ASTN2: variants seen among roughly 807,000 people sequenced by gnomAD.
The protein encoded by ASTN2 is astrotactin-2.
In ASTN2, 54 loss-of-function variants were observed where a neutral mutation model predicts 139.8. The ratio of observed to expected loss-of-function variants is 0.39; its 90% CI spans 0.31 to 0.48. The LOEUF (loss-of-function observed/expected upper bound fraction) is 0.48, where lower values mean the gene tolerates loss of function less well. ASTN2 is among the 20% of genes least tolerant of loss of function. The pLI, the probability that ASTN2 is intolerant of heterozygous loss-of-function variation, is 0.95. For missense variants in ASTN2, 1,565 were observed against 1,725.1 expected (o/e 0.91, Z 1.64); for synonymous variants, 756 against 719.5 (o/e 1.05, Z -0.81).
chr9:116,632,924 C>T (rs1856879613), intron 17 of ASTN2, among the ~76,000 whole-genome samples: 1 of 152,214 alleles, frequency 6.6e-6, no homozygotes. Flanking sequence ...TTGCACAAGG[C>T]ATGACCCAAA....
intron 1 of ASTN2, among the ~76,000 whole-genome samples, chr9:117,317,473 A>G (rs548546343): frequency 2.6e-5 from 4 of 152,192 alleles, no homozygotes; most frequent in African/African-American, 9.7e-5. Context: ...GAATGAATAC[A>G]CTAATGAATG....
chr9:117,195,056 GAACA>G (rs1459965392), intron 3 of ASTN2, among the ~76,000 whole-genome samples: 2 of 152,132 alleles, frequency 1.3e-5, no homozygotes, highest in Non-Finnish European at 2.9e-5. Flanking sequence ...TTTAAGCACA[GAACA>G]AACTTGGTAC....
In ASTN2 at chr9:116,453,808, T is replaced by A. The variant is rs142203870; in HGVS notation, c.3498-11255A>T. 4.8e-3 allele frequency among the ~76,000 whole-genome samples: 727 copies of A among 152,272 alleles called. 2 individuals are homozygous for A. The highest frequency in any genetic ancestry group is 0.015 in the African/African-American group (620 of 41,550). On this transcript the variant is annotated intron_variant, in intron 20 of 22. Transcript: ENST00000313400. ...CATAAGGTTTCATTAGAGCTCCAGTTCAGCCACAGCATGTATAAGCAAATC... is the reference window on the plus strand; with the variant it reads ...CATAAGGTTTCATTAGAGCTCCAGTACAGCCACAGCATGTATAAGCAAATC...
At chr9:116,798,777 G>A (rs1830765362) in intron 13 of ASTN2, among the ~76,000 whole-genome samples, 1 of 152,198 alleles carries the variant, frequency 6.6e-6, no homozygotes, top group South Asian at 2.1e-4. Flanking sequence ...AGCACAGAAA[G>A]GTGATTCTTC....
chr9:117,200,255 C>T (rs552405160), intron 3 of ASTN2, among the ~76,000 whole-genome samples: 36 of 148,100 alleles, frequency 2.4e-4, no homozygotes, highest in African/African-American at 6.5e-4. Context: ...CAACAGTCCC[C>T]GGTGTGTGAT....
At chr9:116,995,165 CAT>C (rs1241665978) in intron 7 of ASTN2, among the ~76,000 whole-genome samples, 1 of 152,192 alleles carries the variant, frequency 6.6e-6, no homozygotes, top group Non-Finnish European at 1.5e-5. Context: ...CATGTGTTCA[CAT>C]GTTATCTATC....
intron 20 of ASTN2, among the ~76,000 whole-genome samples, chr9:116,458,745 T>C (rs1848403499): frequency 6.6e-6 from 1 of 151,930 alleles, no homozygotes; most frequent in South Asian, 2.1e-4. Context: ...AGAATATCAT[T>C]CAAAGAAATT....
At chr9:116,500,009 T>C (rs942178035) in intron 19 of ASTN2, among the ~76,000 whole-genome samples, 1 of 152,118 alleles carries the variant, frequency 6.6e-6, no homozygotes, top group Non-Finnish European at 1.5e-5. Context: ...TATTTCTCTA[T>C]CACTTTATCT....
At chr9:117,112,043 T>C (rs1829263396) in intron 4 of ASTN2, among the ~76,000 whole-genome samples, 1 of 151,908 alleles carries the variant, frequency 6.6e-6, no homozygotes, top group African/African-American at 2.4e-5. Flanking sequence ...TTTACAATAG[T>C]GTAGAAAAAA....
chr9:116,899,946 G>A (rs145835713), intron 10 of ASTN2, among the ~76,000 whole-genome samples: 1 of 152,106 alleles, frequency 6.6e-6, no homozygotes, highest in African/African-American at 2.4e-5. Flanking sequence ...CCTAGGAACT[G>A]ACTCAGCACA....
chr9:116,780,434 C>T (rs1018590408), intron 13 of ASTN2, among the ~76,000 whole-genome samples: 10 of 152,234 alleles, frequency 6.6e-5, no homozygotes, highest in Admixed American at 5.2e-4. Flanking sequence ...CTGTATTCAC[C>T]GTAATATAAT....
chr9:116,717,681 G>C (rs1828351453), intron 16 of ASTN2, among the ~76,000 whole-genome samples: 1 of 152,156 alleles, frequency 6.6e-6, no homozygotes, highest in Non-Finnish European at 1.5e-5. Flanking sequence ...TGACTGCCCT[G>C]GGGTCAAGCA....
chr9:117,151,938 C>G (rs956814624), intron 3 of ASTN2, among the ~76,000 whole-genome samples: 1 of 152,122 alleles, frequency 6.6e-6, no homozygotes, highest in African/African-American at 2.4e-5. Flanking sequence ...TACTGTTATC[C>G]CAGATACCCT....
At chr9:116,622,891 G>A (rs1856236241) in intron 17 of ASTN2, among the ~76,000 whole-genome samples, 1 of 152,230 alleles carries the variant, frequency 6.6e-6, no homozygotes, top group East Asian at 1.9e-4. Context: ...CCAGAAGGAG[G>A]CACTCTCATG....
intron 11 of ASTN2, among the ~76,000 whole-genome samples, chr9:116,853,304 A>C (rs1832659230): frequency 6.6e-6 from 1 of 152,192 alleles, no homozygotes; most frequent in Non-Finnish European, 1.5e-5. Flanking sequence ...AGGAAGATTG[A>C]TGATCAGATG....
intron 5 of ASTN2, among the ~76,000 whole-genome samples, chr9:117,091,593 C>T (rs534377886): frequency 1.6e-4 from 24 of 152,048 alleles, no homozygotes; most frequent in African/African-American, 5.1e-4. Context: ...GTGAATGAGT[C>T]AAACGGCAGG....
At position 116,736,869 on chromosome 9, in the gene ASTN2, C is replaced by T. The variant is rs547685535; in HGVS notation, c.2397-3346G>A. ...TATCCGCATGTCCCTCTCTTCCAAT[C>T]CTTCTGCCTTCTTATCAAGTCACTC... is the stretch of plus-strand genomic sequence containing the variant. On this transcript the variant is annotated intron_variant, in intron 13 of 22. Coordinates refer to ENST00000313400, the MANE Select transcript of ASTN2 (RefSeq NM_001365068.1). Among the ~76,000 whole-genome samples, 5 of 152,274 alleles carry T rather than the reference C, an allele frequency of 3.3e-5. No homozygotes were observed. In the South Asian group the frequency reaches 8.3e-4, roughly 25 times the overall value.
chr9:116,576,681 C>T (rs1460541301), intron 19 of ASTN2, among the ~76,000 whole-genome samples: 2 of 151,868 alleles, frequency 1.3e-5, no homozygotes, highest in Non-Finnish European at 2.9e-5. Flanking sequence ...CCTGTGCCTG[C>T]CCCACAATGA....
chr9:116,487,279 C>T, intron 20 of ASTN2, 80 bp downstream of exon 20: 1 of 1,549,958 alleles, frequency 6.5e-7, no homozygotes, highest in African/African-American at 1.4e-5. Flanking sequence ...CTGGCCTGCA[C>T]AGAATAACTC....
Sources: gnomAD v4.1 joint callset for allele counts (sites outside exome capture counted in the v4.1 genomes callset) on GRCh38, gnomAD v4.1.1 for gene constraint, MANE v1.5 for transcripts, NCBI Gene and HGNC (gene_info 2026-07-23, HGNC 2026-07-21) for gene names.